Variants in PDE4D observed in about 807,000 individuals in gnomAD.
PDE4D encodes the protein 3',5'-cyclic-AMP phosphodiesterase 4D.
A neutral mutation model predicts 87.4 loss-of-function variants in PDE4D; 24 were observed. That is an observed-to-expected ratio of 0.27 (90% CI 0.20 to 0.39). The LOEUF is 0.39. Ranked by LOEUF, PDE4D falls within the 10% of genes least tolerant of loss-of-function variation. The probability of loss-of-function intolerance (pLI) is 1.00; values close to 1 mark genes in which losing one functional copy is unlikely to be tolerated. For missense variants in PDE4D, 714 were observed against 1,041.0 expected (o/e 0.69, Z 4.32); for synonymous variants, 384 against 383.2 (o/e 1.00, Z -0.02).
At chr5:59,464,887 C>CA (rs578103754) in intron 1 of PDE4D, among the ~76,000 whole-genome samples, 18 of 148,404 alleles carry the variant, frequency 1.2e-4, no homozygotes, top group Non-Finnish European at 1.8e-4. Flanking sequence ...CATTGGAGGA[C>CA]AAAAAAAAAA....
chr5:59,351,456 T>C (rs1291293236), intron 1 of PDE4D, among the ~76,000 whole-genome samples: 1 of 152,212 alleles, frequency 6.6e-6, no homozygotes, highest in Non-Finnish European at 1.5e-5. Context: ...GTCAAGACTA[T>C]GCCAGTAGAA....
intron 3 of PDE4D, among the ~76,000 whole-genome samples, chr5:59,938,782 C>G (rs779402919): frequency 1.1e-4 from 17 of 152,320 alleles, no homozygotes; most frequent in African/African-American, 9.6e-5. Context: ...TATTAAATAT[C>G]ATATCCTCTT....
intron 1 of PDE4D, among the ~76,000 whole-genome samples, chr5:60,368,155 C>T (rs553158350): frequency 1.3e-5 from 2 of 152,134 alleles, no homozygotes; most frequent in Non-Finnish European, 2.9e-5. Flanking sequence ...AAAATAACAA[C>T]GATAAGTTTT....
chr5:59,893,599 C>T lies in PDE4D; in HGVS notation c.24G>A (p.Ala8=). 6.6e-7 allele frequency: 1 copy of T among 1,518,884 alleles called. No individual in the cohort carries two copies. The highest frequency in any genetic ancestry group is 8.8e-7 in the Non-Finnish European group (1 of 1,134,818). The allele number at this position is 1,518,884 out of a possible 1,614,324, so 94.1% of individuals were successfully genotyped here. Residue 8 remains alanine (A), a synonymous_variant, in exon 1 of 15, where the codon GCG becomes GCA. Transcript: ENST00000340635. MEAEGSS[A]PARAGSGEGS... is the part of the protein sequence containing the mutation. ...CCTCTCCGCTGCCCGCCCGGGCCGG[C>T]GCGCTGCTGCCCTCTGCCTCCATCC... is the stretch of plus-strand genomic sequence containing the variant.
chr5:59,667,298 G>GTTGCA (rs899823287), intron 1 of PDE4D, among the ~76,000 whole-genome samples: 34 of 151,974 alleles, frequency 2.2e-4, no homozygotes, highest in African/African-American at 6.8e-4. Flanking sequence ...GCTGTGTTGC[G>GTTGCA]TTGCATTGCA....
chr5:60,231,866 T>C (rs1016041906), intron 1 of PDE4D, among the ~76,000 whole-genome samples: 2 of 151,946 alleles, frequency 1.3e-5, no homozygotes, highest in African/African-American at 2.4e-5. Flanking sequence ...AGAGGAGCTA[T>C]TAATATTTGA....
At chr5:60,480,449 T>C (rs536787063) in intron 1 of PDE4D, among the ~76,000 whole-genome samples, 110 of 152,270 alleles carry the variant, frequency 7.2e-4, no homozygotes, top group African/African-American at 2.4e-3. Flanking sequence ...ATAGGTACTA[T>C]TGTTATCCCA....
intron 5 of PDE4D, among the ~76,000 whole-genome samples, chr5:59,113,224 A>C (rs1377389018): frequency 6.6e-6 from 1 of 152,208 alleles, no homozygotes; most frequent in African/African-American, 2.4e-5. Context: ...TGAATGATAA[A>C]ATAGGGGTAC....
chr5:59,292,340 C>T (rs1044254049), intron 1 of PDE4D, among the ~76,000 whole-genome samples: 1 of 141,676 alleles, frequency 7.1e-6, no homozygotes, highest in Non-Finnish European at 1.6e-5. Flanking sequence ...TTTAAAATAA[C>T]AATCTTGCAA....
chr5:59,583,248 T>C lies in PDE4D; in HGVS notation c.455+309920A>G, dbSNP rs192651944. 3.2e-3 allele frequency among the ~76,000 whole-genome samples: 481 copies of C among 152,350 alleles called. 1 individual carries two copies. Among genetic ancestry groups the C allele is most frequent in the Non-Finnish European group, 5.0e-3 (339 of 68,036 alleles). ...TAGTCACACTGTGTTAGGTCATTCA[T>C]GTTAGACCCTGGCATGTGATTCCAG... On this transcript the variant is annotated intron_variant, in intron 1 of 14. Transcript: ENST00000340635.
chr5:59,190,759 C>G (rs768793276), intron 3 of PDE4D, among the ~76,000 whole-genome samples: 23 of 152,188 alleles, frequency 1.5e-4, no homozygotes, highest in Non-Finnish European at 3.2e-4. Context: ...CTCAAACATA[C>G]TCACTGGGAC....
At chr5:59,266,814 T>G (rs1308077155) in intron 1 of PDE4D, among the ~76,000 whole-genome samples, 1 of 152,068 alleles carries the variant, frequency 6.6e-6, no homozygotes, top group African/African-American at 2.4e-5. Flanking sequence ...GAACTATGTG[T>G]AGCCAAAGCA....
intron 1 of PDE4D, among the ~76,000 whole-genome samples, chr5:60,241,301 T>C (rs111930326): frequency 0.014 from 1,962 of 137,564 alleles, 25 homozygotes; most frequent in Middle Eastern, 0.036. Context: ...TCAGATGCAG[T>C]CTTACTCTGT....
In PDE4D at chr5:58,989,751, T is replaced by G. The variant is rs774645563; in HGVS notation, c.1452+4A>C. On this transcript the variant is annotated splice_donor_region_variant and intron_variant, in intron 10 of 14. Coordinates refer to ENST00000340635, the MANE Select transcript of PDE4D (RefSeq NM_001104631.2). The stretch of plus-strand genomic sequence containing the variant: ...TGTTCTTGAAATTTCAGAAACAGAT[T>G]TACCTCCAAAGCAGGTGTAGATAAT... 1 of 1,580,050 alleles carries G rather than the reference T, an allele frequency of 6.3e-7. No individual in the cohort carries two copies. Among genetic ancestry groups the G allele is most frequent in the Admixed American group, 1.9e-5 (1 of 52,244 alleles).
At chr5:59,137,640 C>T (rs1235511564) in intron 5 of PDE4D, among the ~76,000 whole-genome samples, 1 of 151,968 alleles carries the variant, frequency 6.6e-6, no homozygotes, top group African/African-American at 2.4e-5. Flanking sequence ...CATTCTCCTG[C>T]CTCAGCCTCC....
chr5:59,364,380 TA>T (rs2067346), intron 1 of PDE4D, among the ~76,000 whole-genome samples: 44,270 of 152,018 alleles, frequency 0.29, 7,224 homozygotes, highest in Non-Finnish European at 0.37. Flanking sequence ...ATTTTTATAT[TA>T]GAGATTTTTA....
At chr5:60,378,077 G>A (rs1464483743) in intron 1 of PDE4D, among the ~76,000 whole-genome samples, 1 of 152,166 alleles carries the variant, frequency 6.6e-6, no homozygotes, top group Non-Finnish European at 1.5e-5. Flanking sequence ...TGCCCAGTTG[G>A]ATATGAAGGA....
intron 1 of PDE4D, among the ~76,000 whole-genome samples, chr5:59,227,063 A>G (rs1189510784): frequency 6.6e-6 from 1 of 152,204 alleles, no homozygotes; most frequent in African/African-American, 2.4e-5. Flanking sequence ...CTGTAGTCCC[A>G]CAGGAATAAC....
At chr5:59,862,624 G>C (rs1483515982) in intron 1 of PDE4D, among the ~76,000 whole-genome samples, 1 of 152,332 alleles carries the variant, frequency 6.6e-6, no homozygotes, top group East Asian at 1.9e-4. Context: ...TCACAGCGTA[G>C]TTTTGAGCAT....
Sources: allele counts gnomAD v4.1 joint callset (sites outside exome capture counted in the v4.1 genomes callset), GRCh38; gene constraint gnomAD v4.1.1; transcripts MANE v1.5; gene names NCBI Gene and HGNC (gene_info 2026-07-23, HGNC 2026-07-21).